ANKRD20A1: variants seen among roughly 807,000 people sequenced by gnomAD.
ANKRD20A1 encodes the protein ankyrin repeat domain-containing protein 20A1.
In ANKRD20A1, 2 loss-of-function variants were observed where a neutral mutation model predicts 50.9. That is an observed-to-expected ratio of 0.04 (90% CI 0.02 to 0.12). The LOEUF is 0.12. ANKRD20A1 is among the 10% of genes least tolerant of loss of function. The probability of loss-of-function intolerance (pLI) is 1.00; values close to 1 mark genes in which losing one functional copy is unlikely to be tolerated. For synonymous variants in ANKRD20A1, 10 were observed against 186.2 expected (o/e 0.05, Z 7.70); for missense variants, 31 against 548.1 (o/e 0.06, Z 9.42).
rs1308596366 is a variant in ANKRD20A1, at chr9:67,865,171, A to G, written c.492+1780A>G. Among the ~76,000 whole-genome samples, 6 of 151,678 alleles carry G rather than the reference A, an allele frequency of 4.0e-5. No homozygotes were observed. In the East Asian group the frequency reaches 1.2e-3, roughly 30 times the overall value. ...AAGTTTTATTATGAACTATCTCAGT[A>G]TGTTTGTTAAGTTTATAGAACTTTA... On this transcript the variant is annotated intron_variant, in intron 3 of 14. Transcript: ENST00000562196.
chr9:67,882,337 A>G (rs1206942027), intron 8 of ANKRD20A1, among the ~76,000 whole-genome samples: 1 of 150,898 alleles, frequency 6.6e-6, no homozygotes, highest in African/African-American at 2.4e-5. Context: ...ATGGAATGTT[A>G]TAAGTAATAT....
rs1827990728 is a variant in ANKRD20A1 at position 67,894,694 on chromosome 9, C to T, written c.1152+1188C>T. Among the ~76,000 whole-genome samples, 2 of 81,746 alleles carry T rather than the reference C, an allele frequency of 2.4e-5. 1 individual carries two copies. Among genetic ancestry groups the T allele is most frequent in the African/African-American group, 7.4e-5 (2 of 27,110 alleles). 53.6% of individuals were successfully genotyped at this position (81,746 alleles called of 152,430 possible). ...TACTTGATTAAAGCTAATTTTAAAACATGCACTCTGACAGAAAAGGCATCT... is the reference window on the plus strand; with the variant it reads ...TACTTGATTAAAGCTAATTTTAAAATATGCACTCTGACAGAAAAGGCATCT... On this transcript the variant is annotated intron_variant, in intron 12 of 14. Transcript: ENST00000562196.
In ANKRD20A1 at chr9:67,860,521, C is replaced by G. The variant is rs1488728016; in HGVS notation, c.203+892C>G. 5 of 43,116 alleles carry G rather than the reference C, an allele frequency of 1.2e-4. 2 individuals are homozygous for G. The highest frequency in any genetic ancestry group is 2.2e-4 in the Non-Finnish European group (5 of 22,248). The allele number at this position is 43,116 out of a possible 1,614,324, so 2.7% of individuals were successfully genotyped here. ...AACACTCTAAAAGTGGGCAAAGTAC[C>G]TTTTTCCAGATCTACAAGTTACTTA... On this transcript the variant is annotated intron_variant, in intron 1 of 14. Transcript: ENST00000562196.
chr9:67,882,753 C>T (rs1365526908), intron 8 of ANKRD20A1, among the ~76,000 whole-genome samples: 4 of 142,266 alleles, frequency 2.8e-5, no homozygotes, highest in African/African-American at 1.0e-4. Flanking sequence ...TCATCATTTA[C>T]ATTAGGTATA....
chr9:67,871,469 C>T (rs1827645784), intron 6 of ANKRD20A1, among the ~76,000 whole-genome samples: 1 of 137,298 alleles, frequency 7.3e-6, no homozygotes, highest in South Asian at 2.4e-4. Context: ...TGTCTGAAAA[C>T]ATTCATTTAT....
intron 9 of ANKRD20A1, among the ~76,000 whole-genome samples, chr9:67,884,812 C>T (rs551323846): frequency 1.3e-5 from 2 of 151,340 alleles, no homozygotes; most frequent in African/African-American, 2.4e-5. Context: ...ATGGCTTGAA[C>T]CCGGGAGGCG....
At chr9:67,870,670 A>G in intron 5 of ANKRD20A1, among the ~76,000 whole-genome samples, 1 of 11,896 alleles carries the variant, frequency 8.4e-5, no homozygotes. Flanking sequence ...AAATGGTTTC[A>G]GCAATAAAGT....
In ANKRD20A1 at chr9:67,884,492, G is replaced by A; in HGVS notation, c.901G>A (p.Val301Ile). 1 of 1,587,124 alleles carries A rather than the reference G, an allele frequency of 6.3e-7. No homozygotes were observed. The change falls in exon 9 of 15, where the codon GTC becomes ATC. Residue 301 changes from valine to isoleucine, a missense_variant. Physicochemically the swap from Val to Ile is conservative, Grantham distance 29 (BLOSUM62 3). Transcript: ENST00000562196. ...ATTCTTGATATTACCTTAGCAGTGT[G>A]TCCCCGAGAAAGTGTCAGAGCCTTT... is the stretch of plus-strand genomic sequence containing the variant. ...KDLNVATKQC[V>I]PEKVSEPLPG...
intron 8 of ANKRD20A1, among the ~76,000 whole-genome samples, chr9:67,881,826 A>G (rs1279143996): frequency 6.6e-6 from 1 of 151,422 alleles, no homozygotes; most frequent in Non-Finnish European, 1.5e-5. Flanking sequence ...AAGTCCTCAT[A>G]TCATATTCTG....
At chr9:67,882,395 C>A (rs1235983029) in intron 8 of ANKRD20A1, among the ~76,000 whole-genome samples, 1 of 143,932 alleles carries the variant, frequency 6.9e-6, no homozygotes, top group Non-Finnish European at 1.5e-5. Context: ...TAAAATATTG[C>A]TTACATTGTA....
chr9:67,872,597 A>G (rs1398802318), intron 6 of ANKRD20A1, among the ~76,000 whole-genome samples: 1 of 137,840 alleles, frequency 7.3e-6, no homozygotes, highest in Non-Finnish European at 1.6e-5. Context: ...CTCTATGGTC[A>G]GTGGTAGACT....
At chr9:67,900,375 G>T (rs1444041808) in intron 14 of ANKRD20A1, 118 bp from the exon 15 acceptor site, 1 of 299,694 alleles carries the variant, frequency 3.3e-6, no homozygotes, top group African/African-American at 2.8e-5. Context: ...TTCTCCAGGT[G>T]GATATCCACT....
intron 6 of ANKRD20A1, among the ~76,000 whole-genome samples, chr9:67,871,916 A>G (rs557338846): frequency 1.0e-3 from 142 of 137,082 alleles, no homozygotes; most frequent in Middle Eastern, 3.8e-3. Flanking sequence ...TTGACTTTTC[A>G]TAAAGCATAA....
intron 9 of ANKRD20A1, among the ~76,000 whole-genome samples, chr9:67,885,117 G>A (rs1265540056): frequency 6.6e-6 from 1 of 152,092 alleles, no homozygotes; most frequent in South Asian, 2.1e-4. Context: ...AAGACCTGAG[G>A]CAAGTCAGGA....
intron 9 of ANKRD20A1, among the ~76,000 whole-genome samples, chr9:67,885,071 A>G (rs1353865595): frequency 4.0e-5 from 6 of 149,264 alleles, no homozygotes; most frequent in African/African-American, 1.5e-4. Context: ...GTACCACTAA[A>G]GGAGCTGAGT....
Position 67,860,025 on chromosome 9 carries a change from G to T in ANKRD20A1, c.203+396G>T, listed in dbSNP as rs1378670172. On this transcript the variant is annotated intron_variant, in intron 1 of 14. Coordinates refer to ENST00000562196, the MANE Select transcript of ANKRD20A1 (RefSeq NM_032250.5). ...TATATATTTTTTTTTCAGATGAAAA[G>T]TATGTTTTCATTTTATAGGGAATTC... is the stretch of plus-strand genomic sequence containing the variant. Among the ~76,000 whole-genome samples the T allele has an allele frequency of 3.3e-4, 13 of 38,996 alleles. 5 individuals carry two copies. Among genetic ancestry groups the T allele is most frequent in the African/African-American group, 1.9e-3 (13 of 6,850 alleles). The allele number at this position is 38,996 out of a possible 152,430, so 25.6% of individuals were successfully genotyped here.
At chr9:67,896,985 C>CA (rs1235959281) in intron 12 of ANKRD20A1, among the ~76,000 whole-genome samples, 1 of 38,742 alleles carries the variant, frequency 2.6e-5, no homozygotes, top group African/African-American at 7.6e-5. Context: ...TTTGTTGTGG[C>CA]AAACGTTGGT....
intron 8 of ANKRD20A1, among the ~76,000 whole-genome samples, chr9:67,882,971 C>A (rs1194059499): frequency 5.3e-5 from 8 of 151,040 alleles, no homozygotes; most frequent in Admixed American, 1.3e-4. Context: ...TGAACTCATC[C>A]TTTTTTATGG....
At chr9:67,880,876 T>G (rs1827783079) in intron 8 of ANKRD20A1, among the ~76,000 whole-genome samples, 2 of 86,524 alleles carry the variant, frequency 2.3e-5, no homozygotes, top group African/African-American at 7.1e-5. Context: ...ATACTAATAC[T>G]TTGACTTTTA....
Sources: allele counts gnomAD v4.1 joint callset (sites outside exome capture counted in the v4.1 genomes callset), GRCh38; gene constraint gnomAD v4.1.1; transcripts MANE v1.5; gene names NCBI Gene and HGNC (gene_info 2026-07-23, HGNC 2026-07-21).